IP6K1: variants seen among roughly 807,000 people sequenced by gnomAD.
IP6K1 encodes the protein inositol hexakisphosphate kinase 1.
Under a neutral mutation model 38.3 loss-of-function variants are expected in IP6K1, and 13 were observed. The observed-to-expected ratio is 0.34, with a 90% confidence interval of 0.22 to 0.54. The LOEUF is 0.54. Ranked by LOEUF, IP6K1 falls within the 20% of genes least tolerant of loss-of-function variation. The pLI, the probability that IP6K1 is intolerant of heterozygous loss-of-function variation, is 0.92. For missense variants in IP6K1, 397 were observed against 599.8 expected (o/e 0.66, Z 3.53); for synonymous variants, 212 against 229.9 (o/e 0.92, Z 0.70).
intron 4 of IP6K1, among the ~76,000 whole-genome samples, chr3:49,728,796 C>G (rs577180088): frequency 6.6e-6 from 1 of 151,914 alleles, no homozygotes; most frequent in Non-Finnish European, 1.5e-5. Flanking sequence ...AGGCTGGTCT[C>G]GAACTCCTGA....
At chr3:49,735,002 A>G (rs1226952505) in intron 3 of IP6K1, among the ~76,000 whole-genome samples, 1 of 152,076 alleles carries the variant, frequency 6.6e-6, no homozygotes, top group Non-Finnish European at 1.5e-5. Context: ...ATGTTATTCT[A>G]TACCTTTTCA....
intron 4 of IP6K1, chr3:49,728,525 G>A: frequency 2.4e-6 from 1 of 408,838 alleles, no homozygotes; most frequent in Non-Finnish European, 4.4e-6. Flanking sequence ...CATTTACTTT[G>A]TTGTATAACC....
At chr3:49,763,896 C>T (rs1294173061) in intron 1 of IP6K1, among the ~76,000 whole-genome samples, 3 of 152,026 alleles carry the variant, frequency 2.0e-5, no homozygotes, top group African/African-American at 7.2e-5. Flanking sequence ...GTGGCGGGCA[C>T]CTGTAATCCC....
intron 1 of IP6K1, among the ~76,000 whole-genome samples, chr3:49,782,014 G>A (rs2081069904): frequency 1.3e-5 from 2 of 151,862 alleles, no homozygotes; most frequent in South Asian, 4.2e-4. Context: ...AATCACCTGA[G>A]CCCAGGAATT....
intron 1 of IP6K1, among the ~76,000 whole-genome samples, chr3:49,766,039 G>A (rs2080908618): frequency 6.6e-6 from 1 of 152,116 alleles, no homozygotes; most frequent in South Asian, 2.1e-4. Flanking sequence ...AGCCAGGTGT[G>A]GTGGCGGGCG....
chr3:49,761,225 GA>G (rs2080865677), intron 1 of IP6K1, among the ~76,000 whole-genome samples: 1 of 149,408 alleles, frequency 6.7e-6, no homozygotes, highest in Non-Finnish European at 1.5e-5. Context: ...CGAGGCAGGA[GA>G]ATCACTTGAA....
At chr3:49,752,191 T>C (rs2080783010) in intron 1 of IP6K1, among the ~76,000 whole-genome samples, 1 of 151,972 alleles carries the variant, frequency 6.6e-6, no homozygotes, top group Non-Finnish European at 1.5e-5. Flanking sequence ...ATTTTTTTTT[T>C]TTAAAGACAG....
intron 2 of IP6K1, among the ~76,000 whole-genome samples, chr3:49,747,240 C>T (rs1005226393): frequency 1.3e-5 from 2 of 152,066 alleles, no homozygotes; most frequent in Admixed American, 6.6e-5. Context: ...TTTATAAACA[C>T]TGACAAAGAT....
At position 49,732,882 on chromosome 3, in the gene IP6K1, A is replaced by T. The variant is rs758524427; in HGVS notation, c.525T>A (p.Ser175=). 8.1e-6 allele frequency: 13 copies of T among 1,614,106 alleles called. No homozygotes were observed. In the South Asian group the frequency reaches 9.9e-5, roughly 12 times the overall value. The part of the protein sequence containing the change: ...QMLDGNSGLS[S]EKISHNPWSL... ...TCCAGGGGTTGTGGCTGATCTTCTC[A>T]GAACTCAAGCCACTGTTGCCATCTA... The change falls in exon 4 of 6, where the codon TCT becomes TCA. Residue 175 remains serine, a synonymous_variant. Coordinates refer to ENST00000321599, the MANE Select transcript of IP6K1 (RefSeq NM_153273.4).
intron 1 of IP6K1, among the ~76,000 whole-genome samples, chr3:49,754,577 T>G: frequency 6.6e-6 from 1 of 151,972 alleles, no homozygotes; most frequent in East Asian, 1.9e-4. Context: ...TTGAACCAAA[T>G]TTAGGAGAAA....
At chr3:49,734,399 T>C (rs1454709719) in intron 3 of IP6K1, among the ~76,000 whole-genome samples, 32 of 138,146 alleles carry the variant, frequency 2.3e-4, no homozygotes, top group South Asian at 1.9e-3. Context: ...AATTTCTTTT[T>C]TTTTTTTTTT....
At chr3:49,747,249 AT>A (rs2080728433) in intron 2 of IP6K1, among the ~76,000 whole-genome samples, 1 of 152,200 alleles carries the variant, frequency 6.6e-6, no homozygotes, top group South Asian at 2.1e-4. Context: ...ACTGACAAAG[AT>A]CAGATTTTAA....
chr3:49,781,373 T>C (rs1169596068), intron 1 of IP6K1, among the ~76,000 whole-genome samples: 2 of 152,206 alleles, frequency 1.3e-5, no homozygotes, highest in Non-Finnish European at 2.9e-5. Context: ...AAAAAATTAT[T>C]CTTAAAAGAG....
intron 1 of IP6K1, among the ~76,000 whole-genome samples, chr3:49,777,846 C>T (rs949858093): frequency 3.3e-5 from 5 of 150,658 alleles, no homozygotes; most frequent in Admixed American, 6.6e-5. Context: ...ACCCGGGAGG[C>T]GGAGCTTGCA....
intron 1 of IP6K1, among the ~76,000 whole-genome samples, chr3:49,783,712 C>CAAAAAA (rs10713526): frequency 8.2e-6 from 1 of 122,088 alleles, no homozygotes; most frequent in African/African-American, 2.9e-5. Flanking sequence ...GATTCCGTCT[C>CAAAAAA]AAAAAAAAAA....
At chr3:49,747,773 A>C (rs909516177) in intron 2 of IP6K1, 45 bp downstream of exon 2, 1 of 1,611,596 alleles carries the variant, frequency 6.2e-7, no homozygotes, top group South Asian at 1.1e-5. Flanking sequence ...CAAGGGGTCT[A>C]TAAGCCCAAG....
intron 1 of IP6K1, among the ~76,000 whole-genome samples, chr3:49,750,464 G>A (rs2080762990): frequency 6.6e-6 from 1 of 152,122 alleles, no homozygotes; most frequent in African/African-American, 2.4e-5. Flanking sequence ...GGAGGCCGAG[G>A]CGGACGGATC....
At chr3:49,734,559 CCCT>C (rs1321055997) in intron 3 of IP6K1, among the ~76,000 whole-genome samples, 1 of 122,122 alleles carries the variant, frequency 8.2e-6, no homozygotes, top group African/African-American at 2.7e-5. Context: ...GAAATGCTAA[CCCT>C]CTCCAAGGGT....
intron 4 of IP6K1, 168 bp from the exon 5 acceptor site, chr3:49,728,446 A>AATTT: frequency 1.7e-6 from 1 of 603,420 alleles, no homozygotes; most frequent in Non-Finnish European, 2.9e-6. Flanking sequence ...AACCAATAAA[A>AATTT]ACTGTGGTAA....
Sources: allele counts gnomAD v4.1 joint callset (sites outside exome capture counted in the v4.1 genomes callset), GRCh38; gene constraint gnomAD v4.1.1; transcripts MANE v1.5; gene names NCBI Gene and HGNC (gene_info 2026-07-23, HGNC 2026-07-21).